Variants in AGBL1 observed in about 807,000 individuals in gnomAD.
AGBL1 encodes AGBL carboxypeptidase 1.
AGBL1 carries 130 observed loss-of-function variants against 118.9 expected under a neutral mutation model. The observed-to-expected ratio is 1.09, with a 90% CI of 0.95 to 1.26. AGBL1 has a LOEUF of 1.26. AGBL1 is among the 50% of genes most tolerant of loss of function. AGBL1 has a pLI of 0.00. For synonymous variants in AGBL1, 555 were observed against 478.9 expected (o/e 1.16, Z -2.08); for missense variants, 1,584 against 1,298.1 (o/e 1.22, Z -3.38).
At chr15:86,490,051 T>A (rs77465329) in intron 18 of AGBL1, among the ~76,000 whole-genome samples, 3 of 152,072 alleles carry the variant, frequency 2.0e-5, no homozygotes, top group African/African-American at 7.2e-5. Context: ...GGTTGCCTTG[T>A]GTTACCTCAA....
chr15:86,945,236 C>T (rs1200928581), intron 23 of AGBL1, among the ~76,000 whole-genome samples: 18 of 116,812 alleles, frequency 1.5e-4, no homozygotes, highest in Admixed American at 6.5e-4. Context: ...AGAGCAAGAC[C>T]CCATCACTAA....
At chr15:86,777,957 G>A (rs140005439) in intron 22 of AGBL1, among the ~76,000 whole-genome samples, 6 of 152,136 alleles carry the variant, frequency 3.9e-5, no homozygotes, top group Non-Finnish European at 8.8e-5. Flanking sequence ...GCCAGATATC[G>A]GGCGAAGTTC....
intron 21 of AGBL1, among the ~76,000 whole-genome samples, chr15:86,610,186 G>GTCTCTT (rs1203775362): frequency 6.6e-6 from 1 of 152,104 alleles, no homozygotes. Context: ...TAGTCATTTC[G>GTCTCTT]TCTCTTTTGA....
intron 23 of AGBL1, among the ~76,000 whole-genome samples, chr15:86,955,933 C>A (rs1226687991): frequency 6.6e-6 from 1 of 151,986 alleles, no homozygotes; most frequent in Admixed American, 6.6e-5. Context: ...GGGAGTGAGA[C>A]ATGAAGCCAG....
chr15:86,182,994 T>G (rs749727197), intron 5 of AGBL1, among the ~76,000 whole-genome samples: 1 of 152,320 alleles, frequency 6.6e-6, no homozygotes, highest in Non-Finnish European at 1.5e-5. Flanking sequence ...TGTGTGTGTG[T>G]GATTAAGAGC....
rs115064158 is a variant in AGBL1, at chr15:86,222,450, C to G, written c.489-2464C>G. 4.7e-3 allele frequency among the ~76,000 whole-genome samples: 714 copies of G among 152,252 alleles called. 6 individuals carry two copies. Among genetic ancestry groups the G allele is most frequent in the African/African-American group, 0.016 (681 of 41,540 alleles). On this transcript the variant is annotated intron_variant, in intron 5 of 22. Transcript: ENST00000614907. ...CTTCACTCTCCTTCACCCTCCGCAG[C>G]TCACCTTTCCTCAGCTCTCGTTAAT...
chr15:86,743,886 C>T (rs1166819538), intron 22 of AGBL1, among the ~76,000 whole-genome samples: 5 of 151,278 alleles, frequency 3.3e-5, no homozygotes, highest in African/African-American at 9.7e-5. Context: ...AACACACACA[C>T]GTCTACACAC....
chr15:86,246,126 C>G (rs1254564251), intron 6 of AGBL1, among the ~76,000 whole-genome samples: 1 of 152,154 alleles, frequency 6.6e-6, no homozygotes, highest in African/African-American at 2.4e-5. Context: ...CTCAAGCCGT[C>G]CTCCTGCCTC....
chr15:86,745,708 C>T (rs901861435), intron 22 of AGBL1, among the ~76,000 whole-genome samples: 1 of 152,030 alleles, frequency 6.6e-6, no homozygotes. Flanking sequence ...AAGGCTGAGC[C>T]GAAATTGTAA....
At chr15:86,167,850 A>G (rs2141739372) in intron 5 of AGBL1, among the ~76,000 whole-genome samples, 1 of 152,374 alleles carries the variant, frequency 6.6e-6, no homozygotes, top group African/African-American at 2.4e-5. Context: ...CCTAAGTTCA[A>G]TTATAGTGCT....
intron 18 of AGBL1, among the ~76,000 whole-genome samples, chr15:86,470,601 G>T (rs1336173208): frequency 2.0e-5 from 3 of 152,114 alleles, no homozygotes; most frequent in Non-Finnish European, 2.9e-5. Context: ...TGAGAGGGAT[G>T]GCATTGAAGT....
At chr15:86,341,976 G>C (rs184732823) in intron 17 of AGBL1, among the ~76,000 whole-genome samples, 131 of 152,252 alleles carry the variant, frequency 8.6e-4, no homozygotes, top group African/African-American at 3.1e-3. Context: ...CGTGAACCCA[G>C]ATGTTAAAAT....
chr15:86,383,796 A>G (rs1404491715), intron 17 of AGBL1, among the ~76,000 whole-genome samples: 1 of 152,172 alleles, frequency 6.6e-6, no homozygotes, highest in Non-Finnish European at 1.5e-5. Flanking sequence ...TGCTTCCTCA[A>G]GGATTTTGGA....
chr15:86,962,790 G>A lies in AGBL1; in HGVS notation c.3222-25197G>A, dbSNP rs184091725. Among the ~76,000 whole-genome samples the A allele has an allele frequency of 5.3e-5, 8 of 152,144 alleles. No individual in the cohort carries two copies. The East Asian group carries it at 1.6e-3, about 29-fold the overall frequency. ...CACTGTGGATCTTGTTAGAAATGTGGAAACTCTGGTCCCACCTCAGAGCTA... is the reference window on the plus strand; with the variant it reads ...CACTGTGGATCTTGTTAGAAATGTGAAAACTCTGGTCCCACCTCAGAGCTA... On this transcript the variant is annotated intron_variant, in intron 23 of 24. Transcript: ENST00000441037.
intron 21 of AGBL1, among the ~76,000 whole-genome samples, chr15:86,666,773 A>G (rs535869728): frequency 6.6e-6 from 1 of 152,212 alleles, no homozygotes; most frequent in Non-Finnish European, 1.5e-5. Context: ...TGAATTAGAT[A>G]TTATTATGCT....
At chr15:86,681,223 AT>A (rs1424059381) in intron 22 of AGBL1, among the ~76,000 whole-genome samples, 1 of 152,084 alleles carries the variant, frequency 6.6e-6, no homozygotes, top group African/African-American at 2.4e-5. Flanking sequence ...GCCCTCACAC[AT>A]TCAATTTTCT....
chr15:86,929,499 T>C (rs534528212), intron 23 of AGBL1, among the ~76,000 whole-genome samples: 1 of 152,340 alleles, frequency 6.6e-6, no homozygotes, highest in African/African-American at 2.4e-5. Context: ...TTCACCACCT[T>C]TGCCTACATG....
chr15:86,142,430 G>A (rs1225931270), intron 2 of AGBL1, among the ~76,000 whole-genome samples: 1 of 152,176 alleles, frequency 6.6e-6, no homozygotes, highest in East Asian at 1.9e-4. Context: ...GGCAGAAGCT[G>A]AACTTGAAAG....
chr15:86,754,200 A>G (rs1232717243), intron 22 of AGBL1, among the ~76,000 whole-genome samples: 3 of 152,146 alleles, frequency 2.0e-5, no homozygotes, highest in African/African-American at 4.8e-5. Flanking sequence ...GGGAATATTC[A>G]TATTTAAAAG....
Sources: gnomAD v4.1 joint callset for allele counts (sites outside exome capture counted in the v4.1 genomes callset) on GRCh38, gnomAD v4.1.1 for gene constraint, MANE v1.5 for transcripts, NCBI Gene and HGNC (gene_info 2026-07-23, HGNC 2026-07-21) for gene names.